The following CNTN5 variants were observed in gnomAD, a reference collection of about 807,000 sequenced individuals.
CNTN5 encodes contactin 5, also known as contactin-5.
A neutral mutation model predicts 129.1 loss-of-function variants in CNTN5; 77 were observed. That is an observed-to-expected ratio of 0.60 (90% CI 0.50 to 0.72). The LOEUF is 0.72. Among genes scored for constraint, CNTN5 ranks in the 30% least tolerant of loss-of-function variants. The pLI, the probability that CNTN5 is intolerant of heterozygous loss-of-function variation, is 0.00. For synonymous variants in CNTN5, 509 were observed against 465.6 expected (o/e 1.09, Z -1.20); for missense variants, 1,478 against 1,328.8 (o/e 1.11, Z -1.75).
chr11:99,464,624 T>C (rs1944862616), intron 2 of CNTN5, among the ~76,000 whole-genome samples: 1 of 152,184 alleles, frequency 6.6e-6, no homozygotes, highest in Non-Finnish European at 1.5e-5. Context: ...ACTCAGAGTA[T>C]TTTGGAATCT....
chr11:100,294,537 T>A (rs931851236), intron 18 of CNTN5, among the ~76,000 whole-genome samples: 1 of 151,700 alleles, frequency 6.6e-6, no homozygotes, highest in South Asian at 2.1e-4. Flanking sequence ...GCTAACCATA[T>A]GTATAAACTT....
chr11:99,461,552 G>T (rs1263139405), intron 2 of CNTN5, among the ~76,000 whole-genome samples: 1 of 152,044 alleles, frequency 6.6e-6, no homozygotes, highest in Non-Finnish European at 1.5e-5. Context: ...GCAAGAATTT[G>T]TTTAATAATT....
intron 2 of CNTN5, among the ~76,000 whole-genome samples, chr11:99,357,757 A>C (rs1938782151): frequency 1.3e-5 from 2 of 152,002 alleles, no homozygotes; most frequent in Admixed American, 1.3e-4. Context: ...ACATTTACAA[A>C]TTAGGTATAG....
chr11:99,736,866 CA>C (rs1199451838), intron 3 of CNTN5, among the ~76,000 whole-genome samples: 8 of 152,048 alleles, frequency 5.3e-5, no homozygotes, highest in African/African-American at 1.9e-4. Flanking sequence ...TTCTTTCTAT[CA>C]CCTTTCACAA....
At chr11:99,822,505 T>C (rs1946832934) in intron 4 of CNTN5, among the ~76,000 whole-genome samples, 1 of 152,132 alleles carries the variant, frequency 6.6e-6, no homozygotes, top group Non-Finnish European at 1.5e-5. Flanking sequence ...ATCACTTATG[T>C]AAAACAATGG....
At chr11:99,282,351 A>T (rs1863738577) in intron 1 of CNTN5, among the ~76,000 whole-genome samples, 1 of 152,042 alleles carries the variant, frequency 6.6e-6, no homozygotes, top group Non-Finnish European at 1.5e-5. Context: ...CTCAGAAGAC[A>T]AGATGATATC....
chr11:99,722,253 T>G (rs1205566121), intron 3 of CNTN5, among the ~76,000 whole-genome samples: 1 of 152,158 alleles, frequency 6.6e-6, no homozygotes, highest in African/African-American at 2.4e-5. Context: ...AGTGACAGAT[T>G]ACATAAAGAA....
At position 100,289,033 on chromosome 11, in the gene CNTN5, C is replaced by T. The variant is rs192633386; in HGVS notation, c.2315-8592C>T. On this transcript the variant is annotated intron_variant, in intron 18 of 24. Transcript: ENST00000524871. Reference sequence around the variant, plus strand: ...GAAGAAATGGATAAATTCCTCGAAACATACACTCTCCAAAGACTAAGCCAG... The same window carrying T: ...GAAGAAATGGATAAATTCCTCGAAATATACACTCTCCAAAGACTAAGCCAG... Among the ~76,000 whole-genome samples, 985 of 152,302 alleles carry T rather than the reference C, an allele frequency of 6.5e-3. 9 individuals carry two copies. Among genetic ancestry groups the T allele is most frequent in the Non-Finnish European group, 6.6e-3 (452 of 68,032 alleles).
chr11:99,811,451 AT>A (rs1464641247), intron 3 of CNTN5, among the ~76,000 whole-genome samples: 9 of 147,928 alleles, frequency 6.1e-5, no homozygotes, highest in Admixed American at 1.4e-4. Flanking sequence ...TTTTGTTAAT[AT>A]TTTATTTATA....
intron 15 of CNTN5, among the ~76,000 whole-genome samples, chr11:100,204,874 A>G (rs1948881868): frequency 6.6e-6 from 1 of 152,038 alleles, no homozygotes; most frequent in East Asian, 1.9e-4. Context: ...ACATATATGT[A>G]TGTATCTAGG....
intron 1 of CNTN5, among the ~76,000 whole-genome samples, chr11:99,145,178 T>A (rs2135472722): frequency 6.6e-6 from 1 of 152,288 alleles, no homozygotes; most frequent in South Asian, 2.1e-4. Context: ...CAAGCAATTC[T>A]CGTGCCTCAG....
intron 3 of CNTN5, among the ~76,000 whole-genome samples, chr11:99,563,539 A>G (rs757057946): frequency 1.1e-4 from 17 of 152,240 alleles, no homozygotes; most frequent in Non-Finnish European, 1.9e-4. Context: ...ATAACAAATC[A>G]GCCCACAATT....
intron 3 of CNTN5, among the ~76,000 whole-genome samples, chr11:99,659,601 AGAGAC>A (rs1952521851): frequency 1.3e-5 from 2 of 152,172 alleles, no homozygotes; most frequent in South Asian, 2.1e-4. Flanking sequence ...CTGGCAGGCT[AGAGAC>A]CTAGGGAAAA....
chr11:100,314,309 C>A (rs1342401557), intron 21 of CNTN5, among the ~76,000 whole-genome samples: 1 of 152,054 alleles, frequency 6.6e-6, no homozygotes, highest in Non-Finnish European at 1.5e-5. Context: ...GTATAATTAG[C>A]CACTGCAGAA....
chr11:100,250,366 CCTTT>C (rs1949939292), intron 16 of CNTN5, among the ~76,000 whole-genome samples: 1 of 152,070 alleles, frequency 6.6e-6, no homozygotes, highest in South Asian at 2.1e-4. Flanking sequence ...ATCCTTTCTT[CCTTT>C]ATTTATTTTT....
intron 3 of CNTN5, among the ~76,000 whole-genome samples, chr11:99,583,435 A>G (rs955331743): frequency 9.2e-5 from 14 of 152,252 alleles, no homozygotes; most frequent in African/African-American, 3.4e-4. Flanking sequence ...GGAGCCTACA[A>G]AGGCAGGCAG....
At chr11:99,539,729 T>C (rs927342844) in intron 2 of CNTN5, among the ~76,000 whole-genome samples, 1 of 152,146 alleles carries the variant, frequency 6.6e-6, no homozygotes, top group Admixed American at 6.6e-5. Flanking sequence ...CTTTCTGTAA[T>C]ATTGCACATA....
At chr11:100,262,872 G>T (rs1950231355) in intron 17 of CNTN5, among the ~76,000 whole-genome samples, 2 of 151,956 alleles carry the variant, frequency 1.3e-5, no homozygotes, top group African/African-American at 4.8e-5. Flanking sequence ...AAACCACCAT[G>T]GCATGTGTAT....
At chr11:99,115,210 G>C (rs998059681) in intron 1 of CNTN5, among the ~76,000 whole-genome samples, 1 of 152,132 alleles carries the variant, frequency 6.6e-6, no homozygotes. Context: ...AAAGACCGGG[G>C]CTAGGTTCTG....
Sources: allele counts gnomAD v4.1 joint callset (sites outside exome capture counted in the v4.1 genomes callset), GRCh38; gene constraint gnomAD v4.1.1; transcripts MANE v1.5; gene names NCBI Gene and HGNC (gene_info 2026-07-23, HGNC 2026-07-21).